Variants in GNB1 observed in about 807,000 individuals in gnomAD.
The protein encoded by GNB1 is G protein subunit beta 1.
In GNB1, 2 loss-of-function variants were observed where a neutral mutation model predicts 42.9. The ratio of observed to expected loss-of-function variants is 0.05; its 90% CI spans 0.02 to 0.15. GNB1 has a LOEUF of 0.15. GNB1 is among the 10% of genes least tolerant of loss of function. The probability of loss-of-function intolerance (pLI) is 1.00; values close to 1 mark genes in which losing one functional copy is unlikely to be tolerated. For synonymous variants in GNB1, 183 were observed against 174.7 expected, an observed-to-expected ratio of 1.05 and a Z score of -0.38; for missense variants, 193 against 462.2, an observed-to-expected ratio of 0.42 and a Z score of 5.34.
intron 1 of GNB1, among the ~76,000 whole-genome samples, chr1:1,874,499 C>T (rs982633852): frequency 7.0e-6 from 1 of 142,562 alleles, no homozygotes; most frequent in African/African-American, 2.6e-5. Flanking sequence ...CCCAGCTACT[C>T]GGGAGGCTGA....
At position 1,820,114 on chromosome 1, in the gene GNB1, C is replaced by T. The variant is rs114715938; in HGVS notation, c.58-2239G>A. Among the ~76,000 whole-genome samples, 1,376 of 152,162 alleles carry T rather than the reference C, an allele frequency of 9.0e-3. 26 individuals carry two copies. The highest frequency in any genetic ancestry group is 0.032 in the African/African-American group (1,320 of 41,528). On this transcript the variant is annotated intron_variant, in intron 3 of 11. Transcript: ENST00000378609. ...GCTCATGCCTGTAATCCCAACACCT[C>T]AGGCGGCTGAGGTGGGTGGATCACC... is the stretch of plus-strand genomic sequence containing the variant.
At chr1:1,845,872 C>CGT (rs2101376463) in intron 1 of GNB1, among the ~76,000 whole-genome samples, 1 of 138,262 alleles carries the variant, frequency 7.2e-6, no homozygotes, top group South Asian at 2.3e-4. Flanking sequence ...CACACACACA[C>CGT]GTATATCTCC....
At chr1:1,835,367 G>A (rs898183458) in intron 2 of GNB1, among the ~76,000 whole-genome samples, 5 of 152,074 alleles carry the variant, frequency 3.3e-5, no homozygotes, top group African/African-American at 9.7e-5. Flanking sequence ...CTGAAAGTGG[G>A]GACAGTAATA....
intron 7 of GNB1, chr1:1,793,659 C>T (rs1018401262): frequency 1.7e-5 from 3 of 176,026 alleles, no homozygotes; most frequent in Non-Finnish European, 2.5e-5. Flanking sequence ...ATTCAGGGCA[C>T]GCTGACTCCA....
At chr1:1,803,371 C>T (rs1357137002) in intron 7 of GNB1, among the ~76,000 whole-genome samples, 2 of 152,188 alleles carry the variant, frequency 1.3e-5, no homozygotes, top group African/African-American at 4.8e-5. Context: ...ATCATAGCTC[C>T]CTGCAGCCTC....
intron 7 of GNB1, among the ~76,000 whole-genome samples, chr1:1,802,648 A>C (rs1646640712): frequency 1.3e-5 from 2 of 151,796 alleles, no homozygotes; most frequent in Non-Finnish European, 1.5e-5. Flanking sequence ...GCACGCCTGT[A>C]ATCTACTCGG....
intron 1 of GNB1, among the ~76,000 whole-genome samples, chr1:1,871,649 T>A (rs919079066): frequency 6.6e-6 from 1 of 152,190 alleles, no homozygotes; most frequent in African/African-American, 2.4e-5. Context: ...GCCAACAGGC[T>A]GTTAGCCGGC....
chr1:1,855,690 C>T (rs1245681280), intron 1 of GNB1, among the ~76,000 whole-genome samples: 2 of 150,590 alleles, frequency 1.3e-5, no homozygotes, highest in Non-Finnish European at 3.0e-5. Flanking sequence ...TGGGTGACAG[C>T]GAGACTCCGT....
intron 1 of GNB1, among the ~76,000 whole-genome samples, chr1:1,885,771 G>C (rs1486952425): frequency 6.7e-6 from 1 of 150,152 alleles, no homozygotes; most frequent in Non-Finnish European, 1.5e-5. Flanking sequence ...TGTTAGCCAG[G>C]ATGGTCTCAA....
chr1:1,794,484 C>A lies in GNB1; in HGVS notation c.431-1173G>T, dbSNP rs374901032. On this transcript the variant is annotated intron_variant, in intron 7 of 11. Transcript: ENST00000378609. Reference sequence around the variant, plus strand: ...GCCCTAATCTGAAGATTCAGGGGTTCCAGTGGCACTGGTGATTCTTGGGAT... The same window carrying A: ...GCCCTAATCTGAAGATTCAGGGGTTACAGTGGCACTGGTGATTCTTGGGAT... Among the ~76,000 whole-genome samples the A allele has an allele frequency of 2.8e-4, 42 of 152,174 alleles. 2 individuals carry two copies. In the East Asian group the frequency reaches 2.9e-3, roughly 10 times the overall value.
At chr1:1,850,297 A>G (rs1647911739) in intron 1 of GNB1, among the ~76,000 whole-genome samples, 1 of 151,574 alleles carries the variant, frequency 6.6e-6, no homozygotes, top group Non-Finnish European at 1.5e-5. Flanking sequence ...CACCCTGCTA[A>G]TTTTTTTTAT....
chr1:1,799,517 G>A (rs764077997), intron 7 of GNB1, among the ~76,000 whole-genome samples: 1 of 152,174 alleles, frequency 6.6e-6, no homozygotes, highest in South Asian at 2.1e-4. Flanking sequence ...AGGGTGCTGC[G>A]TCAGACAGAG....
At chr1:1,804,369 C>T in intron 7 of GNB1, 50 bp downstream of exon 7, 1 of 1,270,052 alleles carries the variant, frequency 7.9e-7, no homozygotes, top group Non-Finnish European at 1.2e-6. Flanking sequence ...TATAATGTAC[C>T]CCAGGTAAAC....
intron 4 of GNB1, among the ~76,000 whole-genome samples, chr1:1,816,783 G>A (rs1646863579): frequency 6.6e-6 from 1 of 151,420 alleles, no homozygotes; most frequent in African/African-American, 2.4e-5. Context: ...TGAGTAGCTG[G>A]GATTACAGGT....
chr1:1,817,898 A>T, intron 3 of GNB1, 23 bp from the exon 4 acceptor site: 13 of 1,591,292 alleles, frequency 8.2e-6, no homozygotes, highest in Non-Finnish European at 1.1e-5. Flanking sequence ...GACAGTGAGA[A>T]ATTAGCAACC....
intron 2 of GNB1, among the ~76,000 whole-genome samples, chr1:1,829,514 A>G (rs1647046944): frequency 6.6e-6 from 1 of 152,198 alleles, no homozygotes; most frequent in Non-Finnish European, 1.5e-5. Flanking sequence ...AGAGACGAGA[A>G]AACGTGACCA....
At chr1:1,839,939 G>T (rs554371798) in intron 1 of GNB1, among the ~76,000 whole-genome samples, 1 of 152,122 alleles carries the variant, frequency 6.6e-6, no homozygotes, top group African/African-American at 2.4e-5. Context: ...CGCATAACCT[G>T]AGGTCAAGAG....
chr1:1,853,670 T>C (rs771475383), intron 1 of GNB1, among the ~76,000 whole-genome samples: 4 of 152,152 alleles, frequency 2.6e-5, no homozygotes, highest in African/African-American at 9.7e-5. Flanking sequence ...ATCTGTGATT[T>C]AGAAAGAGAA....
At chr1:1,889,792 C>G (rs947999583) in intron 1 of GNB1, among the ~76,000 whole-genome samples, 1 of 152,082 alleles carries the variant, frequency 6.6e-6, no homozygotes, top group African/African-American at 2.4e-5. Context: ...ACTATCGATT[C>G]ACAAGAAAAA....
Sources: gnomAD v4.1 joint callset for allele counts (sites outside exome capture counted in the v4.1 genomes callset) on GRCh38, gnomAD v4.1.1 for gene constraint, MANE v1.5 for transcripts, NCBI Gene and HGNC (gene_info 2026-07-23, HGNC 2026-07-21) for gene names.